ABCG1: variants seen among roughly 807,000 people sequenced by gnomAD.
The protein encoded by ABCG1 is ATP binding cassette subfamily G member 1.
In ABCG1, 29 loss-of-function variants were observed where a neutral mutation model predicts 69.2. The observed-to-expected ratio is 0.42, with a 90% confidence interval of 0.31 to 0.57. The LOEUF (loss-of-function observed/expected upper bound fraction) is 0.57. ABCG1 is among the 20% of genes least tolerant of loss of function. ABCG1 has a pLI of 0.15. For missense variants in ABCG1, 718 were observed against 898.1 expected (o/e 0.80, Z 2.56); for synonymous variants, 370 against 374.8 (o/e 0.99, Z 0.15).
At chr21:42,237,953 CT>C (rs2068000604) in intron 2 of ABCG1, among the ~76,000 whole-genome samples, 1 of 152,194 alleles carries the variant, frequency 6.6e-6, no homozygotes, top group Non-Finnish European at 1.5e-5. Flanking sequence ...GTTTTTGCAT[CT>C]GCAGAACAGG....
At chr21:42,210,739 T>C (rs200383215) in intron 2 of ABCG1, among the ~76,000 whole-genome samples, 1 of 150,266 alleles carries the variant, frequency 6.7e-6, no homozygotes, top group Non-Finnish European at 1.5e-5. Context: ...TGCACCTCCC[T>C]GCCTCCTTGA....
intron 13 of ABCG1, among the ~76,000 whole-genome samples, chr21:42,293,341 C>G (rs1249079859): frequency 1.4e-5 from 2 of 147,020 alleles, no homozygotes; most frequent in African/African-American, 5.0e-5. Flanking sequence ...CCACACTACA[C>G]ACTACCCACC....
chr21:42,226,776 A>G (rs2067824250), intron 2 of ABCG1, among the ~76,000 whole-genome samples: 1 of 152,016 alleles, frequency 6.6e-6, no homozygotes, highest in Non-Finnish European at 1.5e-5. Flanking sequence ...TCATCAAGAA[A>G]CCATGGTCCC....
rs866917486 is a variant in ABCG1, at chr21:42,283,720, A to T, written c.735-840A>T. ...CCTGGACAGTTGTGAAGTACCACCC[A>T]CCACCCAGATGAGTGGGGACCCCCC... On this transcript the variant is annotated intron_variant, in intron 6 of 14. Coordinates refer to ENST00000398449, the MANE Select transcript of ABCG1 (RefSeq NM_016818.3). Among the ~76,000 whole-genome samples the T allele has an allele frequency of 1.1e-3, 20 of 17,948 alleles. 1 individual carries two copies. The highest frequency in any genetic ancestry group is 7.0e-3 in the African/African-American group (18 of 2,562). 11.8% of individuals were successfully genotyped at this position (17,948 alleles called of 152,430 possible). A position where few individuals can be genotyped will look rare whatever the true frequency, so the allele number is the denominator to read the frequency against.
In ABCG1 at chr21:42,273,222, T is replaced by C. The variant is rs2068647530; in HGVS notation, c.405-81T>C. 1 of 1,527,590 alleles carries C rather than the reference T, an allele frequency of 6.5e-7. No homozygotes were observed. The highest frequency in any genetic ancestry group is 1.4e-5 in the African/African-American group (1 of 72,552). The allele number at this position is 1,527,590 out of a possible 1,614,324, so 94.6% of individuals were successfully genotyped here. A position where few individuals can be genotyped will look rare whatever the true frequency, so the allele number is the denominator to read the frequency against. On this transcript the variant is annotated intron_variant, in intron 3 of 14. Transcript: ENST00000398449. This position sits in a 1 kb window ranked among gnomAD's most constrained non-coding sequence, Gnocchi z 5.3. The stretch of plus-strand genomic sequence containing the variant: ...AGATGCTGGGAGGCAAGCCCCCGTC[T>C]CTGGCTCCCCTCTCCTGCCCCGGGA...
At chr21:42,258,746 A>T (rs924411641) in intron 2 of ABCG1, among the ~76,000 whole-genome samples, 6 of 152,156 alleles carry the variant, frequency 3.9e-5, no homozygotes, top group African/African-American at 1.2e-4. Context: ...GCCTGCTGGC[A>T]GCTGCTGTAA....
At chr21:42,206,590 G>A (rs2067544731) in intron 2 of ABCG1, among the ~76,000 whole-genome samples, 1 of 151,880 alleles carries the variant, frequency 6.6e-6, no homozygotes, top group East Asian at 1.9e-4. Flanking sequence ...CTATATCCTG[G>A]TACTACAGGC....
chr21:42,201,496 T>G, intron 1 of ABCG1: 1 of 940,236 alleles, frequency 1.1e-6, no homozygotes, highest in South Asian at 1.6e-5. Context: ...GGTTGGGGAC[T>G]TGTCTTACAT....
At chr21:42,257,483 C>T (rs189456547) in intron 2 of ABCG1, among the ~76,000 whole-genome samples, 256 of 152,326 alleles carry the variant, frequency 1.7e-3, no homozygotes, top group African/African-American at 4.4e-3. Context: ...TGGGAGTGGA[C>T]GTGCTGGGGG....
At chr21:42,256,992 A>C (rs1049318841) in intron 2 of ABCG1, among the ~76,000 whole-genome samples, 2 of 152,254 alleles carry the variant, frequency 1.3e-5, no homozygotes, top group Admixed American at 1.3e-4. Flanking sequence ...CTCCAGCAGC[A>C]GCCAGTGTTT....
Position 42,227,455 on chromosome 21 carries a change from G to A in ABCG1, c.286+1541G>A, listed in dbSNP as rs557506265. ...CAGTGAGCAACATAGAGCGATTCCT[G>A]TCCGTCTGTTATGTGTGGCCTTGGA... On this transcript the variant is annotated intron_variant, in intron 2 of 14. Coordinates refer to ENST00000398449, the MANE Select transcript of ABCG1 (RefSeq NM_016818.3). Among the ~76,000 whole-genome samples the A allele has an allele frequency of 2.0e-5, 3 of 152,240 alleles. No homozygotes were observed. The South Asian group carries it at 6.2e-4, about 32-fold the overall frequency.
intron 13 of ABCG1, among the ~76,000 whole-genome samples, chr21:42,292,652 A>G (rs1327105110): frequency 6.7e-6 from 1 of 149,180 alleles, no homozygotes; most frequent in African/African-American, 2.5e-5. Flanking sequence ...CACACACCAC[A>G]CTACACACCA....
At chr21:42,294,820 C>A in intron 14 of ABCG1, 160 bp downstream of exon 14, 3 of 654,784 alleles carry the variant, frequency 4.6e-6, no homozygotes, top group Non-Finnish European at 8.3e-6. Flanking sequence ...CTAGTTCCAC[C>A]TCCTCCTACC....
At chr21:42,251,648 G>T (rs1049288807) in intron 2 of ABCG1, among the ~76,000 whole-genome samples, 14 of 152,108 alleles carry the variant, frequency 9.2e-5, no homozygotes, top group African/African-American at 2.2e-4. Context: ...CGAGGCGGGG[G>T]GAATGGGAAA....
intron 5 of ABCG1, among the ~76,000 whole-genome samples, chr21:42,281,253 G>T (rs1335331611): frequency 6.6e-6 from 1 of 152,202 alleles, no homozygotes; most frequent in African/African-American, 2.4e-5. Context: ...ATGGCTCCCA[G>T]GGGCCGGCCA....
chr21:42,284,595 C>T lies in ABCG1; in HGVS notation c.770C>T (p.Ser257Leu), dbSNP rs564812607. ...LDSASCFQVV[S>L]LMKGLAQGGR... ...AGCGCCTCCTGCTTCCAGGTGGTCT[C>T]GCTGATGAAAGGGCTCGCTCAAGGG... Residue 257 changes from serine to leucine, a missense_variant, in exon 7 of 15, where the codon TCG (serine) becomes TTG (leucine). Transcript: ENST00000398449. 8 of 1,613,898 alleles carry T rather than the reference C, an allele frequency of 5.0e-6. No homozygotes were observed. The highest frequency in any genetic ancestry group is 2.2e-5 in the East Asian group (1 of 44,878).
intron 1 of ABCG1, among the ~76,000 whole-genome samples, chr21:42,200,987 G>T (rs2067502273): frequency 6.6e-6 from 1 of 152,050 alleles, no homozygotes; most frequent in Admixed American, 6.5e-5. Flanking sequence ...TTGTTACATA[G>T]GTAAACGTGT....
chr21:42,273,429 C>G lies in ABCG1; in HGVS notation c.531C>G (p.Ala177=), dbSNP rs747069714. The change falls in exon 4 of 15, where the codon GCC becomes GCG. Residue 177 remains alanine, a synonymous_variant. Transcript: ENST00000398449. The surrounding 1 kb of genome is among the most constrained non-coding windows in gnomAD (Gnocchi z 5.3). Reference sequence around the variant, plus strand: ...TGCCGCATCTCACTGTGCAGGAGGCCATGATGGTGAGCTCCGCCCTGCCCC... The same window carrying G: ...TGCCGCATCTCACTGTGCAGGAGGCGATGATGGTGAGCTCCGCCCTGCCCC... ...MLLPHLTVQE[A]MMVSAHLKLQ... The G allele has an allele frequency of 1.2e-6, 2 of 1,613,296 alleles. No individual in the cohort carries two copies. Among genetic ancestry groups the G allele is most frequent in the African/African-American group, 2.7e-5 (2 of 74,892 alleles).
chr21:42,222,515 A>T (rs1330242069), intron 1 of ABCG1, among the ~76,000 whole-genome samples: 1 of 152,228 alleles, frequency 6.6e-6, no homozygotes, highest in Admixed American at 6.5e-5. Context: ...GCTAAGCAAT[A>T]GTCAAGGGCC....
Sources: allele counts gnomAD v4.1 joint callset (sites outside exome capture counted in the v4.1 genomes callset), GRCh38; gene constraint gnomAD v4.1.1; non-coding constraint Gnocchi (gnomAD v3.1); transcripts MANE v1.5; gene names NCBI Gene and HGNC (gene_info 2026-07-23, HGNC 2026-07-21).